RAPGEF6: variants seen among roughly 807,000 people sequenced by gnomAD.
The protein encoded by RAPGEF6 is PDZ domain containing guanine nucleotide exchange factor (GEF) 2.
A neutral mutation model predicts 171.4 loss-of-function variants in RAPGEF6; 56 were observed. The ratio of observed to expected loss-of-function variants is 0.33; its 90% confidence interval spans 0.26 to 0.41. The LOEUF (loss-of-function observed/expected upper bound fraction) is 0.41, where lower values mean the gene tolerates loss of function less well. Among genes scored for constraint, RAPGEF6 ranks in the 10% least tolerant of loss-of-function variants. The pLI, the probability that RAPGEF6 is intolerant of heterozygous loss-of-function variation, is 1.00. For missense variants in RAPGEF6, 1,674 were observed against 1,921.4 expected (o/e 0.87, Z 2.41); for synonymous variants, 692 against 650.1 (o/e 1.06, Z -0.98).
chr5:131,588,906 C>T (rs892967086), intron 4 of RAPGEF6, among the ~76,000 whole-genome samples: 1 of 151,978 alleles, frequency 6.6e-6, no homozygotes, highest in African/African-American at 2.4e-5. Context: ...CCTGTCTCCA[C>T]AAAAAGTATA....
chr5:131,539,392 C>G (rs3776007), intron 6 of RAPGEF6, among the ~76,000 whole-genome samples: 118,949 of 152,136 alleles, frequency 0.78, 46,856 homozygotes, highest in African/African-American at 0.84. Flanking sequence ...AATGATTGAT[C>G]CAACAATAGT....
intron 24 of RAPGEF6, among the ~76,000 whole-genome samples, chr5:131,437,121 T>C (rs1266476991): frequency 6.6e-6 from 1 of 152,190 alleles, no homozygotes; most frequent in African/African-American, 2.4e-5. Flanking sequence ...AGAAGGATCA[T>C]ACTTGGTTGG....
intron 15 of RAPGEF6, among the ~76,000 whole-genome samples, chr5:131,488,453 G>A (rs1289270893): frequency 6.6e-6 from 1 of 152,016 alleles, no homozygotes; most frequent in African/African-American, 2.4e-5. Context: ...TTTCGAAACT[G>A]GAAATCTCTT....
intron 18 of RAPGEF6, 25 bp downstream of exon 18, chr5:131,464,016 C>T (rs1314766871): frequency 6.5e-7 from 1 of 1,539,484 alleles, no homozygotes; most frequent in African/African-American, 1.4e-5. Context: ...TACAAATAAG[C>T]ACATCCACTA....
At chr5:131,461,366 C>T (rs1008608283) in intron 19 of RAPGEF6, among the ~76,000 whole-genome samples, 1 of 146,798 alleles carries the variant, frequency 6.8e-6, no homozygotes, top group Non-Finnish European at 1.5e-5. Context: ...TAAAAAAGCA[C>T]AGTACAGAAG....
chr5:131,584,920 A>G (rs979472798), intron 4 of RAPGEF6, among the ~76,000 whole-genome samples: 1 of 152,232 alleles, frequency 6.6e-6, no homozygotes. Context: ...TTGTCTGTAC[A>G]GGTGGGCAGG....
chr5:131,469,361 T>C (rs548692348), intron 17 of RAPGEF6, among the ~76,000 whole-genome samples: 1 of 152,224 alleles, frequency 6.6e-6, no homozygotes, highest in East Asian at 1.9e-4. Flanking sequence ...AATTAAAAAC[T>C]AATAATAAAA....
intron 6 of RAPGEF6, among the ~76,000 whole-genome samples, chr5:131,547,755 C>T (rs974365515): frequency 2.6e-5 from 4 of 151,966 alleles, no homozygotes; most frequent in African/African-American, 7.2e-5. Context: ...GTGATCCGCC[C>T]GCCTAGGTCT....
chr5:131,519,243 AG>A (rs1431170470), intron 7 of RAPGEF6, among the ~76,000 whole-genome samples: 1 of 152,202 alleles, frequency 6.6e-6, no homozygotes, highest in Non-Finnish European at 1.5e-5. Context: ...GAGCTCCTGT[AG>A]TATCTTTGCA....
chr5:131,555,801 C>T (rs1761201499), intron 5 of RAPGEF6, among the ~76,000 whole-genome samples: 1 of 152,080 alleles, frequency 6.6e-6, no homozygotes, highest in South Asian at 2.1e-4. Context: ...TCTATATACA[C>T]ACATATACAG....
At chr5:131,529,705 G>A (rs1759237280) in intron 6 of RAPGEF6, among the ~76,000 whole-genome samples, 1 of 152,054 alleles carries the variant, frequency 6.6e-6, no homozygotes, top group African/African-American at 2.4e-5. Context: ...GAGTCCAGGA[G>A]TTTGAGACCA....
intron 4 of RAPGEF6, among the ~76,000 whole-genome samples, chr5:131,585,337 T>TAC (rs1302201848): frequency 8.7e-5 from 11 of 127,048 alleles, no homozygotes; most frequent in South Asian, 7.6e-4. Context: ...TACATACATA[T>TAC]ATATCTCCAT....
chr5:131,634,813 G>T (rs1322995328), intron 1 of RAPGEF6, 149 bp downstream of exon 1: 15 of 931,690 alleles, frequency 1.6e-5, no homozygotes, highest in Non-Finnish European at 2.5e-5. Flanking sequence ...TGGCGACAAG[G>T]GCCTGGGTCA....
At chr5:131,462,214 C>T in intron 18 of RAPGEF6, 126 bp from the exon 19 acceptor site, 1 of 831,988 alleles carries the variant, frequency 1.2e-6, no homozygotes, top group Non-Finnish European at 1.7e-6. Flanking sequence ...TATTAATTTA[C>T]AGATAAAATG....
intron 23 of RAPGEF6, among the ~76,000 whole-genome samples, chr5:131,440,967 G>A (rs2149812958): frequency 6.6e-6 from 1 of 152,236 alleles, no homozygotes; most frequent in African/African-American, 2.4e-5. Flanking sequence ...TGTTAGACCA[G>A]CTTTCCATCT....
chr5:131,575,410 G>A (rs932997324), intron 4 of RAPGEF6, among the ~76,000 whole-genome samples: 2 of 152,068 alleles, frequency 1.3e-5, no homozygotes, highest in South Asian at 2.1e-4. Context: ...AAGAAGTATC[G>A]CGTATCCCCC....
At chr5:131,501,488 G>A (rs928104005) in intron 11 of RAPGEF6, among the ~76,000 whole-genome samples, 7 of 151,966 alleles carry the variant, frequency 4.6e-5, no homozygotes, top group African/African-American at 1.7e-4. Context: ...CATGCAATCA[G>A]AATCTGGAAA....
intron 3 of RAPGEF6, among the ~76,000 whole-genome samples, chr5:131,597,249 C>A (rs1763954976): frequency 6.6e-6 from 1 of 151,032 alleles, no homozygotes; most frequent in Non-Finnish European, 1.5e-5. Context: ...GAGAAGGGAA[C>A]ACTTATACAC....
At chr5:131,433,221 G>C (rs897498816) in intron 25 of RAPGEF6, among the ~76,000 whole-genome samples, 2 of 152,140 alleles carry the variant, frequency 1.3e-5, no homozygotes, top group Non-Finnish European at 2.9e-5. Context: ...CTTGAATTTA[G>C]TAACACTTTA....
Sources: allele counts gnomAD v4.1 joint callset (sites outside exome capture counted in the v4.1 genomes callset), GRCh38; gene constraint gnomAD v4.1.1; transcripts MANE v1.5; gene names NCBI Gene and HGNC (gene_info 2026-07-23, HGNC 2026-07-21).